The following METTL6 variants were observed in gnomAD, a reference collection of about 807,000 sequenced individuals.
METTL6 encodes the protein methyltransferase 6, tRNA N3-cytidine.
In METTL6, 22 loss-of-function variants were observed where a neutral mutation model predicts 26.4. That is an observed-to-expected ratio of 0.83 (90% CI 0.59 to 1.19). The LOEUF (loss-of-function observed/expected upper bound fraction) is 1.19. Among genes scored for constraint, METTL6 ranks in the 50% most tolerant of loss-of-function variants. The pLI is 0.00. For synonymous variants in METTL6, 109 were observed against 116.2 expected (o/e 0.94, Z 0.40); for missense variants, 304 against 324.8 (o/e 0.94, Z 0.49).
At position 15,411,138 on chromosome 3, in the gene METTL6, C is replaced by G; in HGVS notation, c.*118G>C. The G allele has an allele frequency of 3.5e-6, 4 of 1,155,292 alleles. No homozygotes were observed. Among genetic ancestry groups the G allele is most frequent in the Non-Finnish European group, 4.8e-6 (4 of 833,648 alleles). 71.6% of individuals were successfully genotyped at this position (1,155,292 alleles called of 1,614,324 possible). A position where few individuals can be genotyped will look rare whatever the true frequency, so the allele number is the denominator to read the frequency against. ...TCAAACTCCTGACCTCAGATGATCC[C>G]CCAACCTCGGCCTCCCGAAGTGCTG... On this transcript the variant is annotated 3_prime_UTR_variant, in exon 6 of 6. Transcript: ENST00000383790.
At chr3:15,392,935 C>A (rs988690534) in intron 6 of METTL6, among the ~76,000 whole-genome samples, 5 of 152,112 alleles carry the variant, frequency 3.3e-5, no homozygotes, top group African/African-American at 1.2e-4. Flanking sequence ...TAGCGTGATG[C>A]CTCCAGCTTT....
At chr3:15,421,598 A>AC (rs1415785876) in intron 3 of METTL6, among the ~76,000 whole-genome samples, 2 of 152,116 alleles carry the variant, frequency 1.3e-5, no homozygotes, top group African/African-American at 4.8e-5. Flanking sequence ...ACAGCTGCAC[A>AC]CGCCACCACA....
chr3:15,414,962 G>A, intron 4 of METTL6: 1 of 1,115,710 alleles, frequency 9.0e-7, no homozygotes, highest in Non-Finnish European at 1.1e-6. Flanking sequence ...AAATGAAAGT[G>A]TTATCCTCAT....
chr3:15,395,572 T>G (rs1157991643), intron 6 of METTL6, among the ~76,000 whole-genome samples: 3 of 152,230 alleles, frequency 2.0e-5, no homozygotes, highest in Admixed American at 2.0e-4. Context: ...TGCTTGTTAG[T>G]TGATGAAGTT....
chr3:15,399,402 A>C (rs1353429440), intron 6 of METTL6: 2 of 151,710 alleles, frequency 1.3e-5, no homozygotes, highest in African/African-American at 4.8e-5. Flanking sequence ...ATTCTTTCTT[A>C]CTCAAGGTCC....
At position 15,414,163 on chromosome 3, in the gene METTL6, C is replaced by T. The variant is rs1559491266; in HGVS notation, c.532-1G>A. The T allele has an allele frequency of 6.2e-7, 1 of 1,603,998 alleles. No individual in the cohort carries two copies. On this transcript the variant is annotated splice_acceptor_variant, in intron 4 of 5. Coordinates refer to ENST00000383790, the MANE Select transcript of METTL6 (RefSeq NM_152396.4). LOFTEE classifies it high-confidence loss of function. ...AGACACTTTTGCCTGGTTTTAATAC[C>T]TATGAAACAAAAGCAGGCTGAACAT...
chr3:15,401,043 TTC>T (rs1491202466), intron 6 of METTL6, among the ~76,000 whole-genome samples: 1 of 151,138 alleles, frequency 6.6e-6, no homozygotes, highest in East Asian at 1.9e-4. Context: ...TTGTATTTTC[TTC>T]TTTTTTTTTT....
chr3:15,407,983 C>T (rs1699846037), downstream of METTL6, among the ~76,000 whole-genome samples: 1 of 152,128 alleles, frequency 6.6e-6, no homozygotes, highest in Non-Finnish European at 1.5e-5. Flanking sequence ...TGTTATTTAT[C>T]CTTAAGTGTA....
At position 15,426,549 on chromosome 3, in the gene METTL6, T is replaced by C. The variant is rs763601038; in HGVS notation, c.-38A>G. The C allele has an allele frequency of 1.9e-6, 3 of 1,570,546 alleles. No homozygotes were observed. In the South Asian group the frequency reaches 3.4e-5, roughly 18 times the overall value. ...CGGTAACACTTAACACAGCTGAAGATTCTCCATCACCAAATAATATGAATC... is the reference window on the plus strand; with the variant it reads ...CGGTAACACTTAACACAGCTGAAGACTCTCCATCACCAAATAATATGAATC... On this transcript the variant is annotated 5_prime_UTR_variant, in exon 2 of 6. Coordinates refer to ENST00000383790, the MANE Select transcript of METTL6 (RefSeq NM_152396.4).
chr3:15,395,391 A>G (rs1199401017), intron 6 of METTL6, among the ~76,000 whole-genome samples: 6 of 152,058 alleles, frequency 3.9e-5, no homozygotes, highest in Non-Finnish European at 2.9e-5. Flanking sequence ...GCCTATGTGC[A>G]TCTTTGCATG....
intron 3 of METTL6, among the ~76,000 whole-genome samples, chr3:15,420,899 G>A (rs1443426509): frequency 2.6e-5 from 4 of 152,176 alleles, no homozygotes; most frequent in South Asian, 2.1e-4. Flanking sequence ...CAGAATGTTC[G>A]TTCCTATTTA....
rs923911330 is a variant in METTL6, at chr3:15,425,101, C to T, written c.226-12G>A. Reference sequence around the variant, plus strand: ...TTTTGATCTTCAAACTGGGGAAAGACAGCTCAAAGTTATAGTATATCACAT... The same window carrying T: ...TTTTGATCTTCAAACTGGGGAAAGATAGCTCAAAGTTATAGTATATCACAT... On this transcript the variant is annotated splice_polypyrimidine_tract_variant and intron_variant, in intron 2 of 5. Coordinates refer to ENST00000383790, the MANE Select transcript of METTL6 (RefSeq NM_152396.4). 3 of 1,613,730 alleles carry T rather than the reference C, an allele frequency of 1.9e-6. No homozygotes were observed. Among genetic ancestry groups the T allele is most frequent in the Admixed American group, 3.3e-5 (2 of 59,868 alleles).
intron 6 of METTL6, among the ~76,000 whole-genome samples, chr3:15,399,049 C>T (rs6442522): frequency 0.53 from 80,118 of 151,894 alleles, 21,809 homozygotes; most frequent in African/African-American, 0.66. Flanking sequence ...CTGCGCATTA[C>T]ATGATAATTA....
At chr3:15,413,163 T>G (rs1575419126) in intron 5 of METTL6, among the ~76,000 whole-genome samples, 1 of 152,208 alleles carries the variant, frequency 6.6e-6, no homozygotes, top group African/African-American at 2.4e-5. Context: ...GAGAATCACT[T>G]GAGCCTGGGT....
chr3:15,386,704 G>A (rs547784423), intron 6 of METTL6, among the ~76,000 whole-genome samples: 4 of 152,050 alleles, frequency 2.6e-5, no homozygotes, highest in Non-Finnish European at 5.9e-5. Context: ...AAACTCTGCT[G>A]TTTTGCCTCT....
chr3:15,414,690 GA>G, intron 4 of METTL6: 1 of 328,196 alleles, frequency 3.0e-6, no homozygotes, highest in Non-Finnish European at 6.1e-6. Context: ...GAGCACCCTG[GA>G]ATGTCCAGTG....
At chr3:15,425,751 G>C (rs1292746286) in intron 2 of METTL6, among the ~76,000 whole-genome samples, 1 of 152,128 alleles carries the variant, frequency 6.6e-6, no homozygotes, top group East Asian at 1.9e-4. Context: ...ACAACTATCA[G>C]ATCAGCTTAA....
At chr3:15,382,497 T>G (rs1261963828) in exon 7 of METTL6, 1 of 151,846 alleles carries the variant, frequency 6.6e-6, no homozygotes, top group African/African-American at 2.4e-5. Context: ...ATAAGGAGAC[T>G]CTGTCTTTAC....
At chr3:15,406,557 C>G (rs1451851197), downstream of METTL6, among the ~76,000 whole-genome samples, 1 of 138,432 alleles carries the variant, frequency 7.2e-6, no homozygotes, top group Non-Finnish European at 1.5e-5. Flanking sequence ...CCAACCCTGA[C>G]CCAGCCATGA....
Sources: allele counts gnomAD v4.1 joint callset (sites outside exome capture counted in the v4.1 genomes callset), GRCh38; gene constraint gnomAD v4.1.1; transcripts MANE v1.5; gene names NCBI Gene and HGNC (gene_info 2026-07-23, HGNC 2026-07-21).